UBOX5: variants seen among roughly 807,000 people sequenced by gnomAD.
The protein encoded by UBOX5 is RING finger protein 37.
A neutral mutation model predicts 39.0 loss-of-function variants in UBOX5; 28 were observed. That is an observed-to-expected ratio of 0.72 (90% CI 0.53 to 0.98). The LOEUF (loss-of-function observed/expected upper bound fraction) is 0.98, where lower values mean the gene tolerates loss of function less well. Among genes scored for constraint, UBOX5 ranks in the 50% least tolerant of loss-of-function variants. The pLI, the probability that UBOX5 is intolerant of heterozygous loss-of-function variation, is 0.00. For synonymous variants in UBOX5, 283 were observed against 275.5 expected, an observed-to-expected ratio of 1.03 and a Z score of -0.27; for missense variants, 585 against 674.4, an observed-to-expected ratio of 0.87 and a Z score of 1.47.
chr20:3,115,536 C>T (rs1264118606), intron 3 of UBOX5, 70 bp from the exon 4 acceptor site: 3 of 1,485,922 alleles, frequency 2.0e-6, no homozygotes, highest in African/African-American at 2.8e-5. Context: ...TCAAGTCCTT[C>T]GAGGGCTGTA....
chr20:3,151,220 C>G (rs1367985788), intron 1 of UBOX5, among the ~76,000 whole-genome samples: 1 of 152,138 alleles, frequency 6.6e-6, no homozygotes, highest in Non-Finnish European at 1.5e-5. Flanking sequence ...GACCATTCTG[C>G]CCACCAAATT....
At chr20:3,116,213 G>T (rs1489037687) in intron 3 of UBOX5, among the ~76,000 whole-genome samples, 4 of 152,182 alleles carry the variant, frequency 2.6e-5, no homozygotes, top group African/African-American at 9.7e-5. Context: ...CCCCAGAGGG[G>T]TTCATCTGCA....
chr20:3,121,315 GC>G, intron 3 of UBOX5, 68 bp downstream of exon 3: 1 of 1,541,206 alleles, frequency 6.5e-7, no homozygotes, highest in Non-Finnish European at 8.7e-7. Context: ...AAAGCAAAGG[GC>G]AGCAGAGCTG....
intron 1 of UBOX5, chr20:3,147,685 C>G (rs780054379): frequency 1.2e-6 from 2 of 1,614,234 alleles, no homozygotes; most frequent in Middle Eastern, 3.3e-4. Context: ...TGAATTCAGG[C>G]ATCTTTCTGT....
intron 1 of UBOX5, chr20:3,148,235 G>T: frequency 6.2e-7 from 1 of 1,613,910 alleles, no homozygotes; most frequent in South Asian, 1.1e-5. Context: ...AACTAGCTGA[G>T]ACAAGGATAG....
At position 3,150,198 on chromosome 20, in the gene UBOX5, T is replaced by A. The variant is rs551653865; in HGVS notation, c.-42+9568A>T. The stretch of plus-strand genomic sequence containing the variant: ...AATTTGAGTCACTATTAGAGAGTAG[T>A]CACAGAGTAATGGTGTTATTAGAAA... On this transcript the variant is annotated intron_variant, in intron 1 of 4. Coordinates refer to ENST00000217173, the MANE Select transcript of UBOX5 (RefSeq NM_014948.4). 3.9e-5 allele frequency among the ~76,000 whole-genome samples: 6 copies of A among 152,204 alleles called. No homozygotes were observed. In the South Asian group the frequency reaches 1.2e-3, roughly 32 times the overall value.
intron 1 of UBOX5, among the ~76,000 whole-genome samples, chr20:3,140,136 C>T (rs557593445): frequency 6.8e-4 from 101 of 149,264 alleles, no homozygotes; most frequent in African/African-American, 2.2e-3. Context: ...ATTGTCCTGT[C>T]TCAGCCTCCT....
intron 4 of UBOX5, among the ~76,000 whole-genome samples, chr20:3,112,261 G>A (rs2066259447): frequency 6.6e-6 from 1 of 152,028 alleles, no homozygotes; most frequent in Admixed American, 6.6e-5. Flanking sequence ...TCAGAGATCT[G>A]CCTGACCCAC....
rs750834285 is a variant in UBOX5 at position 3,115,371 on chromosome 20, TG to T, written c.1350del (p.Arg451GlyfsTer72). The T allele has an allele frequency of 1.2e-6, 2 of 1,614,178 alleles. No homozygotes were observed. Among genetic ancestry groups the T allele is most frequent in the East Asian group, 4.5e-5 (2 of 44,874 alleles). On this transcript the variant is annotated frameshift_variant, in exon 4 of 5. Transcript: ENST00000217173. LOFTEE classifies it high-confidence loss of function. ...GSMPSFTARLTRGQLQHLGTR... is the reference protein window; with the variant it reads ...GSMPSFTARLXRGQLQHLGTR... ...GTGCCAAGGTGCTGGAGCTGTCCCCTGGTCAGCCGTGCCGTGAAGGAGGGCA... is the reference window on the plus strand; with the variant it reads ...GTGCCAAGGTGCTGGAGCTGTCCCCTGTCAGCCGTGCCGTGAAGGAGGGCA...
chr20:3,110,652 G>T, intron 4 of UBOX5: 1 of 350,496 alleles, frequency 2.9e-6, no homozygotes, highest in Admixed American at 4.1e-5. Flanking sequence ...CTGGAGCAAG[G>T]CACAGCTCAC....
intron 4 of UBOX5, among the ~76,000 whole-genome samples, chr20:3,114,690 C>T (rs535229156): frequency 1.3e-5 from 2 of 152,322 alleles, no homozygotes; most frequent in East Asian, 3.9e-4. Flanking sequence ...TGGCTCACTC[C>T]TGTAATCTCA....
intron 1 of UBOX5, among the ~76,000 whole-genome samples, chr20:3,138,800 T>C (rs1368566168): frequency 6.6e-6 from 1 of 152,028 alleles, no homozygotes; most frequent in Non-Finnish European, 1.5e-5. Context: ...GAAGGATAAT[T>C]TAGAAGAGAA....
In UBOX5 at chr20:3,115,432, G is replaced by C; in HGVS notation, c.1290C>G (p.Ser430Arg). The change falls in exon 4 of 5, where the codon AGC becomes AGG. Residue 430 changes from serine to arginine, a missense_variant. Ser to Arg is a moderately radical substitution (Grantham distance 110). Transcript: ENST00000217173. ...PLSHEQKLSQ[S>R]LEIALASTLG... ...GGGTGGATGCCAAGGCAATTTCCAA[G>C]CTTTGTGACAGCTTCTGCTCGTGGG... The C allele has an allele frequency of 1.9e-6, 3 of 1,613,986 alleles. No individual in the cohort carries two copies. The highest frequency in any genetic ancestry group is 2.5e-6 in the Non-Finnish European group (3 of 1,179,940).
At chr20:3,118,172 CA>C (rs1214760426) in intron 3 of UBOX5, among the ~76,000 whole-genome samples, 1 of 148,364 alleles carries the variant, frequency 6.7e-6, no homozygotes, top group Non-Finnish European at 1.5e-5. Flanking sequence ...AAAAACAAAA[CA>C]AAAAGAAACC....
At chr20:3,133,760 G>C (rs535141546) in intron 1 of UBOX5, among the ~76,000 whole-genome samples, 7 of 150,682 alleles carry the variant, frequency 4.6e-5, no homozygotes, top group African/African-American at 1.5e-4. Context: ...TTTTTTTGGG[G>C]GGGGGAAACA....
In UBOX5 at chr20:3,149,528, C is replaced by T. The variant is rs774042046; in HGVS notation, c.-42+10238G>A. Among the ~76,000 whole-genome samples, 9 of 152,096 alleles carry T rather than the reference C, an allele frequency of 5.9e-5. No homozygotes were observed. The highest frequency in any genetic ancestry group is 1.3e-4 in the Non-Finnish European group (9 of 68,008). ...CTTCACTGTACAAGGCAAGCAGTGA[C>T]GGCTAAAGAAGAGACGGTGCTCCGC... On this transcript the variant is annotated intron_variant, in intron 1 of 4. Transcript: ENST00000217173. This position sits in a 1 kb window ranked among gnomAD's most constrained non-coding sequence, Gnocchi z 4.1.
At chr20:3,114,677 C>T (rs1161151815) in intron 4 of UBOX5, among the ~76,000 whole-genome samples, 2 of 152,108 alleles carry the variant, frequency 1.3e-5, no homozygotes, top group Non-Finnish European at 2.9e-5. Context: ...AGGCCAGGCG[C>T]GGTGGCTCAC....
chr20:3,155,892 ACT>A lies in UBOX5; in HGVS notation c.-42+3872_-42+3873del, dbSNP rs771091221. Among the ~76,000 whole-genome samples, 40 of 152,322 alleles carry A rather than the reference ACT, an allele frequency of 2.6e-4. 1 individual carries two copies. Among genetic ancestry groups the A allele is most frequent in the Middle Eastern group, 3.4e-3 (1 of 294 alleles). On this transcript the variant is annotated intron_variant, in intron 1 of 4. Transcript: ENST00000217173. ...TTTTCACTATGCAACATTTACAGTA[ACT>A]CTATAGAAACTGTATCTACATACAC...
rs575413543 is a variant in UBOX5 at position 3,156,237 on chromosome 20, G to A, written c.-42+3529C>T. ...GTTGCCCAGGCTGGAGTGCAGTGGC[G>A]TGATCTCAGCTCACTGCAACCTCTG... On this transcript the variant is annotated intron_variant, in intron 1 of 4. Transcript: ENST00000217173. Among the ~76,000 whole-genome samples, 21 of 148,922 alleles carry A rather than the reference G, an allele frequency of 1.4e-4. No individual in the cohort carries two copies. The South Asian group carries it at 1.5e-3, about 11-fold the overall frequency.
Sources: gnomAD v4.1 joint callset for allele counts (sites outside exome capture counted in the v4.1 genomes callset) on GRCh38, gnomAD v4.1.1 for gene constraint, Gnocchi (gnomAD v3.1) non-coding constraint, MANE v1.5 for transcripts, NCBI Gene and HGNC (gene_info 2026-07-23, HGNC 2026-07-21) for gene names.